The following ZBTB20 variants were observed in gnomAD, a reference collection of about 807,000 sequenced individuals.
ZBTB20 encodes the protein zinc finger and BTB domain containing 20.
A neutral mutation model predicts 56.9 loss-of-function variants in ZBTB20; 9 were observed. The ratio of observed to expected loss-of-function variants is 0.16; its 90% CI spans 0.10 to 0.28. ZBTB20 has a LOEUF of 0.28. Ranked by LOEUF, ZBTB20 falls within the 10% of genes least tolerant of loss-of-function variation. ZBTB20 has a pLI of 1.00. For synonymous variants in ZBTB20, 417 were observed against 420.7 expected, an observed-to-expected ratio of 0.99 and a Z score of 0.11; for missense variants, 655 against 1,003.0, an observed-to-expected ratio of 0.65 and a Z score of 4.69.
chr3:115,077,308 A>G (rs542793643), intron 1 of ZBTB20, among the ~76,000 whole-genome samples: 1 of 152,360 alleles, frequency 6.6e-6, no homozygotes, highest in Non-Finnish European at 1.5e-5. Context: ...TGATAGTATT[A>G]AGAAGCAGGG....
chr3:114,925,639 G>A (rs1274208760), intron 3 of ZBTB20, among the ~76,000 whole-genome samples: 1 of 151,940 alleles, frequency 6.6e-6, no homozygotes, highest in Non-Finnish European at 1.5e-5. Flanking sequence ...CAATTCTCCT[G>A]CCTCAGCCTC....
chr3:114,435,178 T>G (rs2090432346), intron 7 of ZBTB20, among the ~76,000 whole-genome samples: 2 of 152,140 alleles, frequency 1.3e-5, no homozygotes, highest in Admixed American at 1.3e-4. Context: ...TCCAGCAGCA[T>G]TTCCTTTTAT....
chr3:114,868,032 T>C (rs1169277496), intron 4 of ZBTB20, among the ~76,000 whole-genome samples: 2 of 152,266 alleles, frequency 1.3e-5, no homozygotes, highest in East Asian at 3.9e-4. Flanking sequence ...AGAAAATAAG[T>C]AAGCTTTACT....
intron 6 of ZBTB20, among the ~76,000 whole-genome samples, chr3:114,591,787 A>C (rs1284794592): frequency 6.6e-6 from 1 of 152,142 alleles, no homozygotes; most frequent in Non-Finnish European, 1.5e-5. Context: ...CTCCCTCTGA[A>C]GTGGTTAGTT....
chr3:114,490,048 G>A lies in ZBTB20; in HGVS notation c.-255+10304C>T, dbSNP rs2669901. Among the ~76,000 whole-genome samples the A allele has an allele frequency of 5.5e-3, 830 of 152,222 alleles. 6 individuals are homozygous for A. The highest frequency in any genetic ancestry group is 0.02 in the Middle Eastern group (6 of 294). The stretch of plus-strand genomic sequence containing the variant: ...TAATTAACCTATAGTACCCTGGTAC[G>A]TTTCTAGGTCTGGAAGCTGTTTTTG... On this transcript the variant is annotated intron_variant, in intron 7 of 11. Transcript: ENST00000675478.
At chr3:114,682,722 C>T (rs1177846652) in intron 6 of ZBTB20, among the ~76,000 whole-genome samples, 1 of 152,142 alleles carries the variant, frequency 6.6e-6, no homozygotes, top group African/African-American at 2.4e-5. Context: ...GAGTCCAAAC[C>T]AATAATATAT....
chr3:114,933,150 A>G (rs2076416599), intron 3 of ZBTB20, among the ~76,000 whole-genome samples: 1 of 152,186 alleles, frequency 6.6e-6, no homozygotes, highest in South Asian at 2.1e-4. Context: ...CAACTACATG[A>G]GTGACCCAAG....
At chr3:114,768,778 G>A (rs987465077) in intron 5 of ZBTB20, among the ~76,000 whole-genome samples, 2 of 152,004 alleles carry the variant, frequency 1.3e-5, no homozygotes, top group Non-Finnish European at 2.9e-5. Context: ...TTTCATAAGC[G>A]AGGGAAGAGA....
intron 3 of ZBTB20, among the ~76,000 whole-genome samples, chr3:114,908,332 T>C (rs2075396359): frequency 6.6e-6 from 1 of 151,948 alleles, no homozygotes. Context: ...AACTTAGAAA[T>C]CAAGAAGATA....
intron 1 of ZBTB20, among the ~76,000 whole-genome samples, chr3:115,141,556 C>T (rs1271463773): frequency 3.3e-5 from 5 of 152,174 alleles, no homozygotes; most frequent in African/African-American, 1.2e-4. Flanking sequence ...ACAATAACCT[C>T]ATCTGGACCT....
intron 2 of ZBTB20, among the ~76,000 whole-genome samples, chr3:114,997,863 C>CT (rs1227041968): frequency 6.6e-6 from 1 of 151,396 alleles, no homozygotes; most frequent in Non-Finnish European, 1.5e-5. Context: ...ATGGATGTGT[C>CT]TACTTTTTTT....
intron 5 of ZBTB20, among the ~76,000 whole-genome samples, chr3:114,793,697 G>T (rs1356457853): frequency 6.6e-6 from 1 of 152,100 alleles, no homozygotes; most frequent in African/African-American, 2.4e-5. Flanking sequence ...TCCAAGAGAA[G>T]AACAGACTTG....
intron 6 of ZBTB20, among the ~76,000 whole-genome samples, chr3:114,501,273 G>T (rs1424035888): frequency 6.6e-6 from 1 of 152,182 alleles, no homozygotes; most frequent in Non-Finnish European, 1.5e-5. Flanking sequence ...AGATTTTGGA[G>T]AAGCTGACCC....
At chr3:114,345,201 T>C (rs12496741) in intron 11 of ZBTB20, among the ~76,000 whole-genome samples, 10,577 of 152,236 alleles carry the variant, frequency 0.069, 502 homozygotes, top group African/African-American at 0.13. Flanking sequence ...TGGTTTTCGG[T>C]GAATGTGCAC....
intron 1 of ZBTB20, chr3:115,100,075 C>T (rs2083525782): frequency 6.6e-6 from 1 of 151,616 alleles, no homozygotes; most frequent in South Asian, 2.1e-4. Flanking sequence ...AATTAAAATT[C>T]AAGCAGGAAA....
chr3:114,573,555 AG>A (rs1364882733), intron 6 of ZBTB20, among the ~76,000 whole-genome samples: 8 of 151,484 alleles, frequency 5.3e-5, no homozygotes, highest in Non-Finnish European at 8.8e-5. Context: ...GAAAAGAAAG[AG>A]GAAAAAAAGA....
At chr3:114,936,660 GT>G (rs2076545495) in intron 3 of ZBTB20, among the ~76,000 whole-genome samples, 1 of 152,142 alleles carries the variant, frequency 6.6e-6, no homozygotes, top group South Asian at 2.1e-4. Context: ...AGTGATGAAG[GT>G]AATAGAAATT....
chr3:115,134,070 A>G (rs2084587457), intron 1 of ZBTB20, among the ~76,000 whole-genome samples: 1 of 152,222 alleles, frequency 6.6e-6, no homozygotes, highest in African/African-American at 2.4e-5. Context: ...TCTATCTTGT[A>G]TTATTCTTTA....
At chr3:114,967,459 G>A (rs969896721) in intron 3 of ZBTB20, among the ~76,000 whole-genome samples, 5 of 152,078 alleles carry the variant, frequency 3.3e-5, no homozygotes, top group African/African-American at 1.2e-4. Context: ...TATCTTCAGT[G>A]TACATTTGCA....
Sources: allele counts gnomAD v4.1 joint callset (sites outside exome capture counted in the v4.1 genomes callset), GRCh38; gene constraint gnomAD v4.1.1; transcripts MANE v1.5; gene names NCBI Gene and HGNC (gene_info 2026-07-23, HGNC 2026-07-21).